Variants in VAV3 observed in about 807,000 individuals in gnomAD.
The protein encoded by VAV3 is vav guanine nucleotide exchange factor 3.
Under a neutral mutation model 131.2 loss-of-function variants are expected in VAV3, and 94 were observed. The ratio of observed to expected loss-of-function variants is 0.72; its 90% confidence interval spans 0.61 to 0.85. VAV3 has a LOEUF of 0.85. Ranked by LOEUF, VAV3 falls within the 40% of genes least tolerant of loss-of-function variation. VAV3 has a pLI of 0.00. For synonymous variants in VAV3, 349 were observed against 342.0 expected (o/e 1.02, Z -0.22); for missense variants, 939 against 1,002.7 (o/e 0.94, Z 0.86).
intron 1 of VAV3, among the ~76,000 whole-genome samples, chr1:107,956,594 T>C (rs1303078949): frequency 2.0e-5 from 3 of 152,158 alleles, no homozygotes; most frequent in Admixed American, 1.3e-4. Context: ...TAATCTATTA[T>C]TATTCGATTA....
chr1:107,910,121 A>G (rs1172177076), intron 1 of VAV3, among the ~76,000 whole-genome samples: 1 of 152,148 alleles, frequency 6.6e-6, no homozygotes, highest in Non-Finnish European at 1.5e-5. Context: ...AGAAGAGGAA[A>G]TGAACTTGAA....
At chr1:107,791,466 A>G (rs974369867) in intron 2 of VAV3, among the ~76,000 whole-genome samples, 1 of 152,172 alleles carries the variant, frequency 6.6e-6, no homozygotes, top group Non-Finnish European at 1.5e-5. Flanking sequence ...AAAGGAGGAA[A>G]TACATTCAAG....
chr1:107,769,084 AC>A (rs1219976881), intron 6 of VAV3, among the ~76,000 whole-genome samples: 35 of 152,120 alleles, frequency 2.3e-4, no homozygotes, highest in African/African-American at 7.2e-4. Context: ...ATACTCACAG[AC>A]CTTGTCATTA....
intron 2 of VAV3, among the ~76,000 whole-genome samples, chr1:107,840,205 AT>A (rs1473000616): frequency 3.9e-5 from 6 of 152,236 alleles, no homozygotes; most frequent in African/African-American, 1.2e-4. Flanking sequence ...TGTAAATGTA[AT>A]GTTGTAAATG....
At chr1:107,704,224 A>G (rs889242977) in intron 17 of VAV3, among the ~76,000 whole-genome samples, 4 of 151,958 alleles carry the variant, frequency 2.6e-5, no homozygotes, top group African/African-American at 9.7e-5. Context: ...TTGTTACTCT[A>G]TTTTTTCGGC....
At chr1:107,829,148 G>A (rs142850625) in intron 2 of VAV3, among the ~76,000 whole-genome samples, 230 of 152,210 alleles carry the variant, frequency 1.5e-3, no homozygotes, top group Non-Finnish European at 2.5e-3. Context: ...TAAACTAAAT[G>A]ATTTGTGAAA....
chr1:107,940,951 G>A (rs1426170434), intron 1 of VAV3, among the ~76,000 whole-genome samples: 1 of 151,476 alleles, frequency 6.6e-6, no homozygotes, highest in Non-Finnish European at 1.5e-5. Flanking sequence ...ACTTCAACAT[G>A]GTTAAAATGG....
chr1:107,636,158 A>C (rs1654916577), intron 20 of VAV3, among the ~76,000 whole-genome samples: 1 of 152,188 alleles, frequency 6.6e-6, no homozygotes, highest in African/African-American at 2.4e-5. Flanking sequence ...TTTAACAAGA[A>C]ATTATGGAAT....
At chr1:107,876,196 A>G (rs1262498565) in intron 1 of VAV3, among the ~76,000 whole-genome samples, 1 of 152,130 alleles carries the variant, frequency 6.6e-6, no homozygotes, top group Admixed American at 6.6e-5. Context: ...GATGCTGCAG[A>G]CGGCCAAATA....
intron 15 of VAV3, among the ~76,000 whole-genome samples, chr1:107,722,431 T>C (rs1380361010): frequency 6.6e-6 from 1 of 152,090 alleles, no homozygotes; most frequent in Non-Finnish European, 1.5e-5. Context: ...AAAGTAAAAC[T>C]CCTAAGACAA....
At chr1:107,625,636 C>G (rs1282065065) in intron 20 of VAV3, among the ~76,000 whole-genome samples, 1 of 152,184 alleles carries the variant, frequency 6.6e-6, no homozygotes, top group Non-Finnish European at 1.5e-5. Context: ...ACGTTTTTAA[C>G]TCAGTGTGAA....
chr1:107,817,426 T>C (rs906500526), intron 2 of VAV3, among the ~76,000 whole-genome samples: 19 of 151,866 alleles, frequency 1.3e-4, no homozygotes, highest in African/African-American at 4.6e-4. Flanking sequence ...AGATAAGACA[T>C]GAAACTGGAC....
rs939940575 is a variant in VAV3, at chr1:107,574,961, C to G, written c.2351-763G>C. ...ATATCCTGTGTTCAGAGTTGAGTTT[C>G]TCTGTGTGTGTGTGTGTGTGTGTGT... On this transcript the variant is annotated intron_variant, in intron 25 of 26. Transcript: ENST00000370056. Among the ~76,000 whole-genome samples the G allele has an allele frequency of 1.5e-4, 13 of 89,218 alleles. No individual in the cohort carries two copies. The Admixed American group carries it at 1.6e-3, about 11-fold the overall frequency. 58.5% of individuals were successfully genotyped at this position (89,218 alleles called of 152,430 possible).
chr1:107,704,880 C>T, intron 16 of VAV3, 80 bp downstream of exon 16: 1 of 1,406,812 alleles, frequency 7.1e-7, no homozygotes, highest in Non-Finnish European at 9.9e-7. Flanking sequence ...AACCTATTGG[C>T]TAGAAGGTTA....
At chr1:107,918,431 T>C (rs1031679605) in intron 1 of VAV3, among the ~76,000 whole-genome samples, 1 of 152,114 alleles carries the variant, frequency 6.6e-6, no homozygotes, top group Admixed American at 6.5e-5. Flanking sequence ...GAGTATTTAA[T>C]GTTTCAAAAA....
At chr1:107,811,448 A>G (rs989717317) in intron 2 of VAV3, among the ~76,000 whole-genome samples, 1 of 152,222 alleles carries the variant, frequency 6.6e-6, no homozygotes, top group Non-Finnish European at 1.5e-5. Context: ...CAAATGAGGG[A>G]AAAATCTGGC....
chr1:107,614,429 C>A (rs550086814), intron 21 of VAV3, among the ~76,000 whole-genome samples: 19 of 151,936 alleles, frequency 1.3e-4, no homozygotes, highest in Non-Finnish European at 1.3e-4. Context: ...AATCTATCCC[C>A]TCCTCTTCAA....
chr1:107,824,252 G>A (rs1235492436), intron 2 of VAV3, among the ~76,000 whole-genome samples: 1 of 152,220 alleles, frequency 6.6e-6, no homozygotes, highest in Non-Finnish European at 1.5e-5. Context: ...GGGATAAAGT[G>A]AAGATGCACA....
At chr1:107,889,473 G>A (rs562141650) in intron 1 of VAV3, among the ~76,000 whole-genome samples, 4 of 152,150 alleles carry the variant, frequency 2.6e-5, no homozygotes, top group African/African-American at 9.6e-5. Flanking sequence ...AATAATTGTG[G>A]TAAGACAACA....
Sources: gnomAD v4.1 joint callset for allele counts (sites outside exome capture counted in the v4.1 genomes callset) on GRCh38, gnomAD v4.1.1 for gene constraint, MANE v1.5 for transcripts, NCBI Gene and HGNC (gene_info 2026-07-23, HGNC 2026-07-21) for gene names.